The following ZNF138 variants were observed in gnomAD, a reference collection of about 807,000 sequenced individuals.
The protein encoded by ZNF138 is zinc finger protein 138.
In ZNF138, 33 loss-of-function variants were observed where a neutral mutation model predicts 33.0. The ratio of observed to expected loss-of-function variants is 1.00; its 90% CI spans 0.76 to 1.34. ZNF138 has a LOEUF of 1.34. Among genes scored for constraint, ZNF138 ranks in the 40% most tolerant of loss-of-function variants. The pLI is 0.00. For missense variants in ZNF138, 360 were observed against 370.8 expected, an observed-to-expected ratio of 0.97 and a Z score of 0.24; for synonymous variants, 139 against 120.4, an observed-to-expected ratio of 1.15 and a Z score of -1.01.
At chr7:64,817,677 T>C (rs1279575316) in intron 3 of ZNF138, among the ~76,000 whole-genome samples, 3 of 150,442 alleles carry the variant, frequency 2.0e-5, no homozygotes, top group African/African-American at 7.3e-5. Flanking sequence ...GGATGGCTGA[T>C]AAATCTTTTT....
In ZNF138 at chr7:64,802,127, C is replaced by T. The variant is rs114243189; in HGVS notation, c.3+7556C>T. On this transcript the variant is annotated intron_variant, in intron 1 of 3. Coordinates refer to ENST00000307355, the MANE Select transcript of ZNF138 (RefSeq NM_001271639.2). ...CATTTAAGAAATACATGGATTTGTC[C>T]GAAAGGCAGAACAACTCAAAGTGGC... Among the ~76,000 whole-genome samples, 1,044 of 152,190 alleles carry T rather than the reference C, an allele frequency of 6.9e-3. 12 individuals are homozygous for T. The highest frequency in any genetic ancestry group is 0.024 in the African/African-American group (1,004 of 41,500).
chr7:64,809,473 CG>C lies in ZNF138; in HGVS notation c.4-5443del, dbSNP rs1583813733. On this transcript the variant is annotated intron_variant, in intron 1 of 3. Transcript: ENST00000307355. ...CCCTGAACCTCCCTCCCGGATGGGG[CG>C]GCTGGCCGGGCGGGGGGCTGACCCC... is the stretch of plus-strand genomic sequence containing the variant. Among the ~76,000 whole-genome samples, 14 of 9,090 alleles carry C rather than the reference CG, an allele frequency of 1.5e-3. 1 individual carries two copies. Among genetic ancestry groups the C allele is most frequent in the Non-Finnish European group, 3.6e-3 (11 of 3,040 alleles). 6.0% of individuals were successfully genotyped at this position (9,090 alleles called of 152,430 possible). A position where few individuals can be genotyped will look rare whatever the true frequency, so the allele number is the denominator to read the frequency against.
chr7:64,830,970 T>G, intron 3 of ZNF138: 1 of 1,551,614 alleles, frequency 6.4e-7, no homozygotes, highest in South Asian at 1.2e-5. Flanking sequence ...CTCAGTGGAC[T>G]CAACATTTTG....
At chr7:64,837,771 T>A (rs1790405719), downstream of ZNF138, among the ~76,000 whole-genome samples, 1 of 152,188 alleles carries the variant, frequency 6.6e-6, no homozygotes. Context: ...CTTGGGGTTA[T>A]CTGTTCGATG....
At chr7:64,800,424 C>T (rs966236781) in intron 1 of ZNF138, among the ~76,000 whole-genome samples, 3 of 152,084 alleles carry the variant, frequency 2.0e-5, no homozygotes, top group South Asian at 2.1e-4. Context: ...TTGAAAGCTC[C>T]TGCATCTATT....
chr7:64,799,935 A>G (rs1276113396), intron 1 of ZNF138, among the ~76,000 whole-genome samples: 1 of 152,224 alleles, frequency 6.6e-6, no homozygotes, highest in Non-Finnish European at 1.5e-5. Flanking sequence ...GGTGTGAGCC[A>G]CCAGGCCCAG....
At chr7:64,798,326 C>G (rs1786860030) in intron 1 of ZNF138, among the ~76,000 whole-genome samples, 1 of 152,190 alleles carries the variant, frequency 6.6e-6, no homozygotes, top group East Asian at 1.9e-4. Context: ...TATGTTGGCT[C>G]AGACTGAGTA....
At chr7:64,831,340 T>G in intron 3 of ZNF138, 111 bp from the exon 4 acceptor site, 1 of 1,051,116 alleles carries the variant, frequency 9.5e-7, no homozygotes. Flanking sequence ...TGTGGTATTT[T>G]GCTATGCCAT....
At chr7:64,855,255 T>G in the ZNF138 span, among the ~76,000 whole-genome samples, 1 of 152,306 alleles carries the variant, frequency 6.6e-6, no homozygotes, top group Middle Eastern at 3.4e-3. Context: ...GAACATATTA[T>G]AAAGAAATTC....
intron 3 of ZNF138, among the ~76,000 whole-genome samples, chr7:64,827,276 C>G (rs900029412): frequency 6.7e-6 from 1 of 149,094 alleles, no homozygotes; most frequent in Non-Finnish European, 1.5e-5. Context: ...AAGACAGAGT[C>G]TCACTCTGTC....
At position 64,832,414 on chromosome 7, in the gene ZNF138, A is replaced by T; in HGVS notation, c.*212A>T. On this transcript the variant is annotated 3_prime_UTR_variant, in exon 4 of 4. Transcript: ENST00000307355. ...TTAATTCATACTGGAGAAAAACCCTACAAATGTAAAGAATGTGGAAAAGCT... is the reference window on the plus strand; with the variant it reads ...TTAATTCATACTGGAGAAAAACCCTTCAAATGTAAAGAATGTGGAAAAGCT... The T allele has an allele frequency of 6.7e-7, 1 of 1,500,906 alleles. No individual in the cohort carries two copies. The highest frequency in any genetic ancestry group is 8.9e-7 in the Non-Finnish European group (1 of 1,127,100). 93.0% of individuals were successfully genotyped at this position (1,500,906 alleles called of 1,614,324 possible).
the ZNF138 span, among the ~76,000 whole-genome samples, chr7:64,842,943 A>G: frequency 6.6e-6 from 1 of 152,210 alleles, no homozygotes; most frequent in African/African-American, 2.4e-5. Context: ...ATTAACTATA[A>G]TTATGTATTT....
rs765782318 is a variant in ZNF138 at position 64,832,223 on chromosome 7, A to C, written c.*21A>C. On this transcript the variant is annotated 3_prime_UTR_variant, in exon 4 of 4. Coordinates refer to ENST00000307355, the MANE Select transcript of ZNF138 (RefSeq NM_001271639.2). ...CTTAACAACTTACTGAACATAAGAA[A>C]ATTTACACTAGAGAGAAAGCCTACA... 6.2e-7 allele frequency: 1 copy of C among 1,602,780 alleles called. No individual in the cohort carries two copies. The highest frequency in any genetic ancestry group is 1.1e-5 in the South Asian group (1 of 89,518).
At chr7:64,845,758 C>G in the ZNF138 span, among the ~76,000 whole-genome samples, 1 of 152,224 alleles carries the variant, frequency 6.6e-6, no homozygotes, top group Middle Eastern at 3.4e-3. Context: ...TTTTAGCACA[C>G]TTTTCGGTGA....
chr7:64,843,761 A>G, the ZNF138 span, among the ~76,000 whole-genome samples: 1 of 152,114 alleles, frequency 6.6e-6, no homozygotes, highest in South Asian at 2.1e-4. Context: ...CAGCTTTTTA[A>G]TTTGAACTAA....
At chr7:64,835,119 C>T (rs900457968), downstream of ZNF138, among the ~76,000 whole-genome samples, 2 of 151,940 alleles carry the variant, frequency 1.3e-5, no homozygotes, top group African/African-American at 4.8e-5. Context: ...TGTGACACGC[C>T]CTAGTGGGCA....
chr7:64,803,817 T>C (rs936240040), intron 1 of ZNF138, among the ~76,000 whole-genome samples: 1 of 152,204 alleles, frequency 6.6e-6, no homozygotes, highest in Non-Finnish European at 1.5e-5. Context: ...TCAAAAAAGT[T>C]ACTATCAAAT....
chr7:64,849,002 C>T, the ZNF138 span, among the ~76,000 whole-genome samples: 68 of 152,276 alleles, frequency 4.5e-4, 1 homozygote, highest in Middle Eastern at 0.014. Flanking sequence ...CCACACCTGG[C>T]TGGGGGGAAT....
downstream of ZNF138, chr7:64,835,691 T>TTTGTGCTGCGAC (rs1790347239): frequency 1.3e-5 from 2 of 152,216 alleles, no homozygotes; most frequent in Non-Finnish European, 1.5e-5. Context: ...GCCCGCCTGT[T>TTTGTGCTGCGAC]CTGTGCTGCG....
Sources: allele counts gnomAD v4.1 joint callset (sites outside exome capture counted in the v4.1 genomes callset), GRCh38; gene constraint gnomAD v4.1.1; transcripts MANE v1.5; gene names NCBI Gene and HGNC (gene_info 2026-07-23, HGNC 2026-07-21).